The following RBM23 variants were observed in gnomAD, a reference collection of about 807,000 sequenced individuals.
The protein encoded by RBM23 is probable RNA-binding protein 23.
A neutral mutation model predicts 56.2 loss-of-function variants in RBM23; 53 were observed. The ratio of observed to expected loss-of-function variants is 0.94; its 90% CI spans 0.76 to 1.19. The LOEUF is 1.19. Among genes scored for constraint, RBM23 ranks in the 50% most tolerant of loss-of-function variants. The probability of loss-of-function intolerance (pLI) is 0.00; values close to 1 mark genes in which losing one functional copy is unlikely to be tolerated. For missense variants in RBM23, 642 were observed against 590.3 expected (o/e 1.09, Z -0.91); for synonymous variants, 197 against 198.5 (o/e 0.99, Z 0.06).
In RBM23 at chr14:22,901,327, C is replaced by T; in HGVS notation, c.*403G>A. ...TTGATTCAGAGGTCCTAAGGGTTTT[C>T]CTTGACAGACTAAAGGTTAAAGGTA... On this transcript the variant is annotated 3_prime_UTR_variant, in exon 14 of 14. Coordinates refer to ENST00000359890, the MANE Select transcript of RBM23 (RefSeq NM_001077351.2). 1 of 231,628 alleles carries T rather than the reference C, an allele frequency of 4.3e-6. No individual in the cohort carries two copies. Among genetic ancestry groups the T allele is most frequent in the Non-Finnish European group, 8.5e-6 (1 of 117,560 alleles). The allele number at this position is 231,628 out of a possible 1,614,324, so 14.3% of individuals were successfully genotyped here.
rs543364121 is a variant in RBM23 at position 22,904,987 on chromosome 14, A to T, written c.752T>A (p.Met251Lys). ...SQAEKNRLAA[M>K]ANNLQKGNGG... Reference sequence around the variant, plus strand: ...ATTGCCCTTTTGCAGGTTGTTGGCCATGGCTGCCAGTCGGTTTTTCTCTGC... The same window carrying T: ...ATTGCCCTTTTGCAGGTTGTTGGCCTTGGCTGCCAGTCGGTTTTTCTCTGC... The change falls in exon 9 of 14, where the codon ATG becomes AAG. Residue 251 changes from methionine to lysine, a missense_variant. Coordinates refer to ENST00000359890, the MANE Select transcript of RBM23 (RefSeq NM_001077351.2). 7.9e-5 allele frequency: 127 copies of T among 1,614,214 alleles called. 1 individual carries two copies. The South Asian group carries it at 1.4e-3, about 17-fold the overall frequency.
At chr14:22,909,645 C>T (rs746673676) in intron 2 of RBM23, 50 bp from the exon 3 acceptor site, 3 of 1,422,154 alleles carry the variant, frequency 2.1e-6, no homozygotes, top group African/African-American at 2.8e-5. Context: ...GGCAGACACA[C>T]AGATTCCAAT....
intron 1 of RBM23, among the ~76,000 whole-genome samples, chr14:22,913,130 G>C (rs2042867372): frequency 6.8e-6 from 1 of 146,168 alleles, no homozygotes; most frequent in African/African-American, 2.6e-5. Flanking sequence ...AAGGGCACAA[G>C]AAGGCCGGGC....
chr14:22,914,588 A>G (rs2043165442), intron 1 of RBM23, among the ~76,000 whole-genome samples: 1 of 152,160 alleles, frequency 6.6e-6, no homozygotes, highest in Non-Finnish European at 1.5e-5. Flanking sequence ...ATACAGTTTT[A>G]TCGTGTGCCC....
rs1472845722 is a variant in RBM23, at chr14:22,899,734, T to A, written c.*1996A>T. ...ATTGTTACAGAAGCAGCAAACAGAC[T>A]TAGGAGCTAGAGTCCCACTGGCCTT... On this transcript the variant is annotated 3_prime_UTR_variant, in exon 14 of 14. Transcript: ENST00000359890. 1 of 152,214 alleles carries A rather than the reference T, an allele frequency of 6.6e-6. No homozygotes were observed. The highest frequency in any genetic ancestry group is 2.4e-5 in the African/African-American group (1 of 41,458). The allele number at this position is 152,214 out of a possible 1,614,324, so 9.4% of individuals were successfully genotyped here. A position where few individuals can be genotyped will look rare whatever the true frequency, so the allele number is the denominator to read the frequency against.
At chr14:22,912,710 C>T (rs1230171741) in intron 1 of RBM23, among the ~76,000 whole-genome samples, 1 of 152,100 alleles carries the variant, frequency 6.6e-6, no homozygotes, top group Non-Finnish European at 1.5e-5. Flanking sequence ...GCAAACTAGG[C>T]CAGGCGCGGT....
At chr14:22,917,292 T>C (rs2043692997) in intron 1 of RBM23, 2 of 152,232 alleles carry the variant, frequency 1.3e-5, no homozygotes, top group Admixed American at 1.3e-4. Context: ...ATGCTTGATT[T>C]CAAGAACTGC....
At position 22,913,413 on chromosome 14, in the gene RBM23, CAAA is replaced by C. The variant is rs57539414; in HGVS notation, c.-10-2013_-10-2011del. Among the ~76,000 whole-genome samples, 62 of 115,798 alleles carry C rather than the reference CAAA, an allele frequency of 5.4e-4. No individual in the cohort carries two copies. The East Asian group carries it at 9.0e-3, about 17-fold the overall frequency. 76.0% of individuals were successfully genotyped at this position (115,798 alleles called of 152,430 possible). A position where few individuals can be genotyped will look rare whatever the true frequency, so the allele number is the denominator to read the frequency against. ...TGGGCGACAGAGCAAGGCTCCGTCTCAAAAAAAAAAAAAAAAAATTAAAAAAAA... is the reference window on the plus strand; with the variant it reads ...TGGGCGACAGAGCAAGGCTCCGTCTCAAAAAAAAAAAAAAATTAAAAAAAA... On this transcript the variant is annotated intron_variant, in intron 1 of 13. Transcript: ENST00000359890.
intron 4 of RBM23, among the ~76,000 whole-genome samples, chr14:22,906,928 C>T (rs1337746356): frequency 3.3e-5 from 5 of 151,600 alleles, no homozygotes; most frequent in Non-Finnish European, 5.9e-5. Flanking sequence ...AATCCCAGCA[C>T]TTTGGGAGAC....
At position 22,897,256 on chromosome 14, in the gene RBM23, C is replaced by T. The variant is rs1220217906; in HGVS notation, c.*4474G>A. ...AAGTCTGGCCTCATCAGGCTGTAAC[C>T]ATCAAGTAATGGAGTTTTCAATAAA... On this transcript the variant is annotated 3_prime_UTR_variant, in exon 14 of 14. Coordinates refer to ENST00000359890, the MANE Select transcript of RBM23 (RefSeq NM_001077351.2). 1 of 152,142 alleles carries T rather than the reference C, an allele frequency of 6.6e-6. No homozygotes were observed. The highest frequency in any genetic ancestry group is 2.4e-5 in the African/African-American group (1 of 41,434). The allele number at this position is 152,142 out of a possible 1,614,324, so 9.4% of individuals were successfully genotyped here.
chr14:22,908,143 C>T (rs1214957610), intron 4 of RBM23, among the ~76,000 whole-genome samples, 190 bp downstream of exon 4: 1 of 152,128 alleles, frequency 6.6e-6, no homozygotes, highest in Non-Finnish European at 1.5e-5. Flanking sequence ...GCCTTAGCCT[C>T]CCAAGTAGCT....
intron 2 of RBM23, among the ~76,000 whole-genome samples, chr14:22,910,025 C>T (rs1334705401): frequency 6.6e-6 from 1 of 151,672 alleles, no homozygotes; most frequent in African/African-American, 2.4e-5. Flanking sequence ...TAGTGGCACA[C>T]GCCTGTAGTC....
chr14:22,906,136 C>T, intron 5 of RBM23, 59 bp downstream of exon 5: 5 of 1,577,822 alleles, frequency 3.2e-6, no homozygotes, highest in Non-Finnish European at 4.3e-6. Context: ...GTTCATAGTG[C>T]ATTTGTTGTT....
At position 22,905,383 on chromosome 14, in the gene RBM23, G is replaced by A. The variant is rs1472972525; in HGVS notation, c.526C>T (p.Arg176Ter). The A allele has an allele frequency of 8.7e-6, 14 of 1,614,056 alleles. No homozygotes were observed. The highest frequency in any genetic ancestry group is 2.7e-5 in the African/African-American group (2 of 75,030). The change falls in exon 7 of 14, where the codon CGA (arginine) becomes TGA (stop). Residue 176 changes from arginine to a stop codon, truncating the protein, a stop_gained. Coordinates refer to ENST00000359890, the MANE Select transcript of RBM23 (RefSeq NM_001077351.2). LOFTEE classifies it high-confidence loss of function. ...TCCTCCAGATCTCGAGGCCGAATTC[G>A]GGCAGCTAACTGCATACAGAAAACT... Reference protein sequence around the residue: ...RTVFCMQLAARIRPRDLEDFF... With the variant: ...RTVFCMQLAA
At position 22,902,386 on chromosome 14, in the gene RBM23, T is replaced by C. The variant is rs1199766104; in HGVS notation, c.931-4A>G. The C allele has an allele frequency of 1.2e-6, 2 of 1,608,572 alleles. No individual in the cohort carries two copies. The highest frequency in any genetic ancestry group is 1.7e-5 in the Admixed American group (1 of 59,886). On this transcript the variant is annotated splice_region_variant and splice_polypyrimidine_tract_variant and intron_variant, in intron 10 of 13. Coordinates refer to ENST00000359890, the MANE Select transcript of RBM23 (RefSeq NM_001077351.2). The stretch of plus-strand genomic sequence containing the variant: ...GGGCACACTCAGAATCAGAGAACTA[T>C]GAGAAACCCAGGCCATGTTAGTCAC...
chr14:22,918,615 C>G (rs553592239), intron 1 of RBM23, among the ~76,000 whole-genome samples: 222 of 152,278 alleles, frequency 1.5e-3, no homozygotes, highest in Middle Eastern at 0.01. Flanking sequence ...TTCTCTCTCT[C>G]TGAATGGTGG....
At position 22,901,736 on chromosome 14, in the gene RBM23, G is replaced by A; in HGVS notation, c.1317-3C>T. 6.2e-7 allele frequency: 1 copy of A among 1,613,494 alleles called. No homozygotes were observed. Among genetic ancestry groups the A allele is most frequent in the Non-Finnish European group, 8.5e-7 (1 of 1,179,376 alleles). ...AGTATACTGTGCCACTGATTTACCT[G>A]TGGAAAGAAGAGGTAAATGGGAAGC... On this transcript the variant is annotated splice_region_variant and splice_polypyrimidine_tract_variant and intron_variant, in intron 13 of 13. Coordinates refer to ENST00000359890, the MANE Select transcript of RBM23 (RefSeq NM_001077351.2).
In RBM23 at chr14:22,899,147, A is replaced by T. The variant is rs1042081477; in HGVS notation, c.*2583T>A. ...GACTCCCAATGCAACAGTGTTGAAG[A>T]TGGGGCTTAATACGAGGTGACTGAG... is the stretch of plus-strand genomic sequence containing the variant. On this transcript the variant is annotated 3_prime_UTR_variant, in exon 14 of 14. Transcript: ENST00000359890. 2 of 152,184 alleles carry T rather than the reference A, an allele frequency of 1.3e-5. No individual in the cohort carries two copies. Among genetic ancestry groups the T allele is most frequent in the Non-Finnish European group, 2.9e-5 (2 of 68,030 alleles). 9.4% of individuals were successfully genotyped at this position (152,184 alleles called of 1,614,324 possible).
intron 1 of RBM23, among the ~76,000 whole-genome samples, chr14:22,914,544 A>G (rs1334602811): frequency 1.3e-5 from 2 of 151,418 alleles, no homozygotes; most frequent in Admixed American, 6.6e-5. Flanking sequence ...GGTGTTTAAC[A>G]TATCAAAACG....
Sources: gnomAD v4.1 joint callset for allele counts (sites outside exome capture counted in the v4.1 genomes callset) on GRCh38, gnomAD v4.1.1 for gene constraint, MANE v1.5 for transcripts, NCBI Gene and HGNC (gene_info 2026-07-23, HGNC 2026-07-21) for gene names.